The following MBNL1 variants were observed in gnomAD, a reference collection of about 807,000 sequenced individuals.
The protein encoded by MBNL1 is muscleblind-like protein 1.
A neutral mutation model predicts 42.2 loss-of-function variants in MBNL1; 8 were observed. That is an observed-to-expected ratio of 0.19 (90% CI 0.11 to 0.34). The LOEUF (loss-of-function observed/expected upper bound fraction) is 0.34, where lower values mean the gene tolerates loss of function less well. MBNL1 is among the 10% of genes least tolerant of loss of function. The probability of loss-of-function intolerance (pLI) is 1.00; values close to 1 mark genes in which losing one functional copy is unlikely to be tolerated. For synonymous variants in MBNL1, 169 were observed against 173.9 expected, an observed-to-expected ratio of 0.97 and a Z score of 0.22; for missense variants, 309 against 495.3, an observed-to-expected ratio of 0.62 and a Z score of 3.57.
intron 8 of MBNL1, among the ~76,000 whole-genome samples, chr3:152,457,222 TG>T (rs1239975744): frequency 6.6e-6 from 1 of 152,218 alleles, no homozygotes; most frequent in African/African-American, 2.4e-5. Flanking sequence ...TAGAAAATAC[TG>T]GTTGATTTCA....
At chr3:152,311,548 A>T (rs755742238) in intron 2 of MBNL1, among the ~76,000 whole-genome samples, 1 of 152,078 alleles carries the variant, frequency 6.6e-6, no homozygotes, top group Non-Finnish European at 1.5e-5. Context: ...TACATTTCAG[A>T]AATTTTCTAG....
intron 2 of MBNL1, among the ~76,000 whole-genome samples, chr3:152,391,763 G>T (rs779484406): frequency 6.6e-6 from 1 of 152,168 alleles, no homozygotes; most frequent in Non-Finnish European, 1.5e-5. Flanking sequence ...AGGTGAAAAG[G>T]CAACTTTGAT....
At position 152,464,927 on chromosome 3, in the gene MBNL1, A is replaced by G. The variant is rs918439506; in HGVS notation, c.*2561A>G. ...TTAAGGCTAATACAATGACAGACTG[A>G]GCAAAATTGCTTGCAAAAGTGGCAC... On this transcript the variant is annotated 3_prime_UTR_variant, in exon 10 of 10. Transcript: ENST00000324210. The G allele has an allele frequency of 1.3e-5, 2 of 152,664 alleles. No homozygotes were observed. The highest frequency in any genetic ancestry group is 4.8e-5 in the African/African-American group (2 of 41,468). 9.5% of individuals were successfully genotyped at this position (152,664 alleles called of 1,614,324 possible). A position where few individuals can be genotyped will look rare whatever the true frequency, so the allele number is the denominator to read the frequency against.
intron 3 of MBNL1, among the ~76,000 whole-genome samples, chr3:152,417,038 A>C (rs1042480478): frequency 6.6e-6 from 1 of 152,248 alleles, no homozygotes; most frequent in Non-Finnish European, 1.5e-5. Context: ...CATTGTCTAA[A>C]AATATACTTT....
chr3:152,283,956 C>T (rs1014861884), intron 1 of MBNL1, among the ~76,000 whole-genome samples: 9 of 152,106 alleles, frequency 5.9e-5, no homozygotes, highest in African/African-American at 2.2e-4. Flanking sequence ...TTCTTGTTAC[C>T]TCTACTGTGT....
In MBNL1 at chr3:152,249,313, A is replaced by G. The variant is rs1354846766; in HGVS notation, n.333+4873A>G. ...TGACTTTTTAATGATCTCCATTCTAACTGGTGTGAGATGGTATCTCATTGT... is the reference window on the plus strand; with the variant it reads ...TGACTTTTTAATGATCTCCATTCTAGCTGGTGTGAGATGGTATCTCATTGT... On this transcript the variant is annotated intron_variant and non_coding_transcript_variant, in intron 2 of 2. Transcript: ENST00000477171. Among the ~76,000 whole-genome samples the G allele has an allele frequency of 4.2e-5, 6 of 142,240 alleles. No individual in the cohort carries two copies. The Admixed American group carries it at 4.3e-4, about 10-fold the overall frequency. The allele number at this position is 142,240 out of a possible 152,430, so 93.3% of individuals were successfully genotyped here.
chr3:152,408,047 C>A (rs1451890696), intron 2 of MBNL1, among the ~76,000 whole-genome samples: 1 of 151,980 alleles, frequency 6.6e-6, no homozygotes, highest in African/African-American at 2.4e-5. Flanking sequence ...GGGGTTAATA[C>A]CTAGGTGATG....
chr3:152,418,473 G>A (rs1260349424), intron 3 of MBNL1, among the ~76,000 whole-genome samples: 1 of 151,924 alleles, frequency 6.6e-6, no homozygotes, highest in African/African-American at 2.4e-5. Context: ...AGGAGTTCAA[G>A]ACCAACCTGG....
intron 2 of MBNL1, among the ~76,000 whole-genome samples, chr3:152,377,019 G>A (rs909775117): frequency 4.6e-5 from 7 of 151,960 alleles, no homozygotes; most frequent in African/African-American, 7.3e-5. Context: ...ATTTACATGC[G>A]AACTTGTTGT....
chr3:152,364,880 C>A (rs980293986), intron 2 of MBNL1, among the ~76,000 whole-genome samples: 9 of 149,824 alleles, frequency 6.0e-5, no homozygotes, highest in Admixed American at 3.3e-4. Context: ...TTTTTCATAA[C>A]CATTTTTAGA....
At chr3:152,358,293 A>T (rs1184932231) in intron 2 of MBNL1, among the ~76,000 whole-genome samples, 2 of 152,210 alleles carry the variant, frequency 1.3e-5, no homozygotes, top group African/African-American at 2.4e-5. Flanking sequence ...GTGATATTTT[A>T]TTAAAGGTAC....
chr3:152,449,907 C>A (rs756561232), intron 6 of MBNL1, among the ~76,000 whole-genome samples: 1 of 151,968 alleles, frequency 6.6e-6, no homozygotes, highest in African/African-American at 2.4e-5. Flanking sequence ...GAGTTTGAGG[C>A]CAGCGTGGCC....
chr3:152,447,993 T>G (rs1020110931), intron 6 of MBNL1, among the ~76,000 whole-genome samples: 2 of 152,248 alleles, frequency 1.3e-5, no homozygotes, highest in African/African-American at 4.8e-5. Flanking sequence ...TGGTATTTTA[T>G]ATATTTATTT....
At chr3:152,388,535 A>G (rs1359870855) in intron 2 of MBNL1, among the ~76,000 whole-genome samples, 3 of 152,230 alleles carry the variant, frequency 2.0e-5, no homozygotes, top group Non-Finnish European at 4.4e-5. Flanking sequence ...TTCTATGCCA[A>G]GTGCAGTTCC....
At chr3:152,304,470 T>C (rs2062030615) in intron 2 of MBNL1, among the ~76,000 whole-genome samples, 1 of 152,214 alleles carries the variant, frequency 6.6e-6, no homozygotes, top group Admixed American at 6.5e-5. Flanking sequence ...TTTGATCTAT[T>C]AGGGTCCTAA....
At chr3:152,302,264 C>T (rs941703887) in intron 2 of MBNL1, 9 of 151,602 alleles carry the variant, frequency 5.9e-5, no homozygotes, top group African/African-American at 2.2e-4. Flanking sequence ...TGTCCTTTTT[C>T]TTTGTCTTTC....
chr3:152,297,264 T>TTG (rs1165231003), intron 1 of MBNL1, among the ~76,000 whole-genome samples: 1 of 151,456 alleles, frequency 6.6e-6, no homozygotes, highest in Non-Finnish European at 1.5e-5. Context: ...GTTTTTTTTT[T>TTG]TTTTTTTTTT....
intron 6 of MBNL1, among the ~76,000 whole-genome samples, chr3:152,452,714 T>G (rs73011753): frequency 0.016 from 2,403 of 152,210 alleles, 54 homozygotes; most frequent in African/African-American, 0.055. Flanking sequence ...TTGAGGAATT[T>G]TTTTCTCTGC....
chr3:152,307,770 G>A (rs1056646126), intron 2 of MBNL1, among the ~76,000 whole-genome samples: 2 of 152,022 alleles, frequency 1.3e-5, no homozygotes, highest in South Asian at 2.1e-4. Context: ...CTAAGGATTC[G>A]ACAAAGAAAA....
Sources: allele counts gnomAD v4.1 joint callset (sites outside exome capture counted in the v4.1 genomes callset), GRCh38; gene constraint gnomAD v4.1.1; transcripts MANE v1.5; gene names NCBI Gene and HGNC (gene_info 2026-07-23, HGNC 2026-07-21).